The following TNR variants were observed in gnomAD, a reference collection of about 807,000 sequenced individuals.
TNR encodes tenascin R.
TNR carries 45 observed loss-of-function variants against 150.4 expected under a neutral mutation model. The ratio of observed to expected loss-of-function variants is 0.30; its 90% CI spans 0.24 to 0.38. The LOEUF is 0.38. Among genes scored for constraint, TNR ranks in the 10% least tolerant of loss-of-function variants. The pLI, the probability that TNR is intolerant of heterozygous loss-of-function variation, is 1.00. For missense variants in TNR, 1,544 were observed against 1,759.1 expected, an observed-to-expected ratio of 0.88 and a Z score of 2.19; for synonymous variants, 687 against 678.4, an observed-to-expected ratio of 1.01 and a Z score of -0.20.
At chr1:175,379,816 A>G in intron 8 of TNR, 79 bp from the exon 9 acceptor site, 2 of 1,498,386 alleles carry the variant, frequency 1.3e-6, no homozygotes, top group African/African-American at 1.4e-5. Flanking sequence ...CTCTGAAAAG[A>G]TTGGTGGTGA....
intron 7 of TNR, among the ~76,000 whole-genome samples, chr1:175,386,719 C>T (rs1652954044): frequency 1.3e-5 from 2 of 152,160 alleles, no homozygotes; most frequent in South Asian, 2.1e-4. Flanking sequence ...AAATGACCAG[C>T]CCACCTAAAC....
intron 18 of TNR, among the ~76,000 whole-genome samples, chr1:175,348,391 G>C (rs1159239545): frequency 6.6e-6 from 1 of 152,074 alleles, no homozygotes; most frequent in Non-Finnish European, 1.5e-5. Flanking sequence ...ATTTTTGAGG[G>C]GGGGACTTGA....
intron 1 of TNR, among the ~76,000 whole-genome samples, chr1:175,690,133 C>A (rs532134203): frequency 6.6e-6 from 1 of 152,094 alleles, no homozygotes; most frequent in South Asian, 2.1e-4. Flanking sequence ...GGCTTAGATC[C>A]GGGCCAAAGC....
intron 1 of TNR, among the ~76,000 whole-genome samples, chr1:175,693,330 G>A (rs1317026094): frequency 6.6e-6 from 1 of 152,170 alleles, no homozygotes; most frequent in Non-Finnish European, 1.5e-5. Context: ...GTGGGACACA[G>A]AGAAGGTGCT....
chr1:175,323,447 A>G lies in TNR; in HGVS notation c.3987T>C (p.His1329=), dbSNP rs1211316535. ...QGINWYHWKG[H]EFSIPFVEMK... The stretch of plus-strand genomic sequence containing the variant: ...TTTCCACAAAGGGGATGGAGAACTC[A>G]TGGCCTTTCCAATGGTACCAGTTGA... Residue 1329 remains histidine (H), a synonymous_variant, in exon 23 of 23, where the codon CAT becomes CAC. Transcript: ENST00000367674. 1.1e-5 allele frequency: 17 copies of G among 1,614,018 alleles called. No homozygotes were observed. The highest frequency in any genetic ancestry group is 1.4e-5 in the Non-Finnish European group (16 of 1,179,964).
At chr1:175,693,370 C>T (rs1215657115) in intron 1 of TNR, among the ~76,000 whole-genome samples, 1 of 152,192 alleles carries the variant, frequency 6.6e-6, no homozygotes, top group Non-Finnish European at 1.5e-5. Context: ...ATTAACCATC[C>T]TAGTTTAGGA....
chr1:175,330,388 A>G (rs1649677765), intron 20 of TNR, 153 bp from the exon 21 acceptor site: 2 of 765,074 alleles, frequency 2.6e-6, no homozygotes, highest in Admixed American at 6.2e-5. Flanking sequence ...TTGTTATCAA[A>G]TGGACCCTGC....
At chr1:175,583,599 TGGTCAGTGGA>T (rs1662450405) in intron 1 of TNR, among the ~76,000 whole-genome samples, 1 of 152,156 alleles carries the variant, frequency 6.6e-6, no homozygotes, top group Non-Finnish European at 1.5e-5. Flanking sequence ...CTGCATGGAC[TGGTCAGTGGA>T]GGCCATAGTA....
intron 2 of TNR, among the ~76,000 whole-genome samples, chr1:175,444,190 G>A (rs1340513408): frequency 6.6e-6 from 1 of 152,218 alleles, no homozygotes; most frequent in East Asian, 1.9e-4. Context: ...ATCTGATAGA[G>A]ACAATATAAC....
At chr1:175,685,307 A>G (rs1370707559) in intron 1 of TNR, among the ~76,000 whole-genome samples, 1 of 152,220 alleles carries the variant, frequency 6.6e-6, no homozygotes, top group African/African-American at 2.4e-5. Context: ...CACAAATCCA[A>G]TAACTGACCT....
intron 2 of TNR, among the ~76,000 whole-genome samples, chr1:175,468,231 G>A (rs1657119138): frequency 6.6e-6 from 1 of 152,206 alleles, no homozygotes; most frequent in South Asian, 2.1e-4. Context: ...GGGATGGAGT[G>A]TAGATGTGGA....
At chr1:175,445,778 G>C (rs931307893) in intron 2 of TNR, among the ~76,000 whole-genome samples, 1 of 152,174 alleles carries the variant, frequency 6.6e-6, no homozygotes, top group Non-Finnish European at 1.5e-5. Context: ...ACTCCCCGAG[G>C]TTAATAATTC....
intron 2 of TNR, among the ~76,000 whole-genome samples, chr1:175,508,971 T>C (rs990215005): frequency 5.3e-5 from 8 of 152,326 alleles, no homozygotes; most frequent in South Asian, 4.1e-4. Flanking sequence ...TGTGTCCTAA[T>C]GATGTGAGTC....
chr1:175,573,792 G>C (rs938979945), intron 1 of TNR, among the ~76,000 whole-genome samples: 1 of 152,180 alleles, frequency 6.6e-6, no homozygotes, highest in Non-Finnish European at 1.5e-5. Context: ...GGTACAGATG[G>C]TGAGCTTGGC....
chr1:175,442,671 G>C (rs530751457), intron 2 of TNR, among the ~76,000 whole-genome samples: 17 of 151,900 alleles, frequency 1.1e-4, no homozygotes, highest in Middle Eastern at 3.4e-3. Context: ...TCAGCCATTA[G>C]CTCTTCTCTT....
Position 175,361,866 on chromosome 1 carries a change from G to C in TNR, c.2854+797C>G, listed in dbSNP as rs78656550. On this transcript the variant is annotated intron_variant, in intron 14 of 22. Transcript: ENST00000367674. ...GTTCTGCCTGGTGTACTTGCTGAGGGGCCAGAGACGGAGGAGCAGTGGTGC... is the reference window on the plus strand; with the variant it reads ...GTTCTGCCTGGTGTACTTGCTGAGGCGCCAGAGACGGAGGAGCAGTGGTGC... Among the ~76,000 whole-genome samples the C allele has an allele frequency of 3.7e-3, 564 of 152,294 alleles. 6 individuals carry two copies. The highest frequency in any genetic ancestry group is 0.013 in the African/African-American group (540 of 41,546).
intron 2 of TNR, among the ~76,000 whole-genome samples, chr1:175,442,241 A>G (rs1655824535): frequency 1.3e-5 from 2 of 152,010 alleles, no homozygotes; most frequent in African/African-American, 4.8e-5. Context: ...CAAGCAATTC[A>G]TAGAATTTGC....
intron 2 of TNR, among the ~76,000 whole-genome samples, chr1:175,438,069 C>A (rs1655599764): frequency 6.6e-6 from 1 of 152,008 alleles, no homozygotes; most frequent in African/African-American, 2.4e-5. Context: ...GGCAGAGACA[C>A]AATAAAAAAA....
chr1:175,525,015 T>G (rs1402379089), intron 2 of TNR, among the ~76,000 whole-genome samples: 1 of 152,160 alleles, frequency 6.6e-6, no homozygotes, highest in East Asian at 1.9e-4. Context: ...CATCTTGAAT[T>G]GCAGTTCCTA....
Sources: gnomAD v4.1 joint callset for allele counts (sites outside exome capture counted in the v4.1 genomes callset) on GRCh38, gnomAD v4.1.1 for gene constraint, MANE v1.5 for transcripts, NCBI Gene and HGNC (gene_info 2026-07-23, HGNC 2026-07-21) for gene names.